The following KLF7 variants were observed in gnomAD, a reference collection of about 807,000 sequenced individuals.
The protein encoded by KLF7 is KLF transcription factor 7.
KLF7 carries 2 observed loss-of-function variants against 27.3 expected under a neutral mutation model. The observed-to-expected ratio is 0.07, with a 90% CI of 0.03 to 0.23. KLF7 has a LOEUF of 0.23. Among genes scored for constraint, KLF7 ranks in the 10% least tolerant of loss-of-function variants. The probability of loss-of-function intolerance (pLI) is 1.00; values close to 1 mark genes in which losing one functional copy is unlikely to be tolerated. For missense variants in KLF7, 221 were observed against 394.1 expected, an observed-to-expected ratio of 0.56 and a Z score of 3.72; for synonymous variants, 165 against 162.4, an observed-to-expected ratio of 1.02 and a Z score of -0.12.
intron 2 of KLF7, among the ~76,000 whole-genome samples, chr2:207,106,514 T>C (rs185309172): frequency 1.3e-5 from 2 of 152,320 alleles, no homozygotes; most frequent in Admixed American, 1.3e-4. Context: ...TGCTATGAGC[T>C]GAGTGGATGG....
At chr2:207,171,324 T>C (rs919034704), upstream of KLF7, among the ~76,000 whole-genome samples, 2 of 152,156 alleles carry the variant, frequency 1.3e-5, no homozygotes, top group African/African-American at 2.4e-5. Context: ...TTTTCTGAGA[T>C]GGAATCTACT....
At chr2:207,149,753 C>T (rs2078191303) in intron 1 of KLF7, among the ~76,000 whole-genome samples, 1 of 152,130 alleles carries the variant, frequency 6.6e-6, no homozygotes. Context: ...ATGTGGTCCT[C>T]GGGTCTGAGT....
chr2:207,099,567 T>TATATATATATATATATATATATAC (rs2076713099), intron 2 of KLF7, among the ~76,000 whole-genome samples: 2 of 132,396 alleles, frequency 1.5e-5, no homozygotes, highest in Non-Finnish European at 3.3e-5. Context: ...TATATATATA[T>TATATATATATATATATATATATAC]ATATATGAAA....
intron 1 of KLF7, among the ~76,000 whole-genome samples, chr2:207,139,297 C>T (rs562449346): frequency 2.4e-4 from 36 of 152,124 alleles, no homozygotes; most frequent in Non-Finnish European, 4.7e-4. Context: ...AAATGCTTAT[C>T]GATACTTATC....
At chr2:207,146,612 C>G (rs903779007) in intron 1 of KLF7, among the ~76,000 whole-genome samples, 5 of 152,064 alleles carry the variant, frequency 3.3e-5, no homozygotes, top group African/African-American at 1.2e-4. Context: ...TCCACTCCCA[C>G]AAGTAAGTAT....
At chr2:207,124,900 C>G (rs2077439490) in intron 1 of KLF7, among the ~76,000 whole-genome samples, 1 of 152,196 alleles carries the variant, frequency 6.6e-6, no homozygotes, top group South Asian at 2.1e-4. Context: ...CATGTTCACT[C>G]AAACTAAGAG....
chr2:207,173,520 C>T, the KLF7 span: 4 of 152,088 alleles, frequency 2.6e-5, no homozygotes, highest in Middle Eastern at 3.4e-3. Flanking sequence ...AAAATGGTCT[C>T]GGTGAATTAA....
At chr2:207,114,723 C>G (rs957865116) in intron 2 of KLF7, among the ~76,000 whole-genome samples, 1 of 152,168 alleles carries the variant, frequency 6.6e-6, no homozygotes, top group Non-Finnish European at 1.5e-5. Flanking sequence ...ATAGCAAGGT[C>G]TCCAGAGAAA....
intron 2 of KLF7, among the ~76,000 whole-genome samples, chr2:207,117,366 T>C (rs545728019): frequency 6.6e-6 from 1 of 152,368 alleles, no homozygotes; most frequent in South Asian, 2.1e-4. Flanking sequence ...TTTCATACCC[T>C]TTCTTTTCAA....
At chr2:207,103,716 T>C (rs1559122974) in intron 2 of KLF7, among the ~76,000 whole-genome samples, 1 of 152,146 alleles carries the variant, frequency 6.6e-6, no homozygotes, top group African/African-American at 2.4e-5. Flanking sequence ...CTCAGGAAAG[T>C]TACCTACTCT....
chr2:207,081,852 C>CA (rs35500565), intron 3 of KLF7, among the ~76,000 whole-genome samples: 4,617 of 107,602 alleles, frequency 0.043, 135 homozygotes, highest in Non-Finnish European at 0.063. Context: ...ATATTCAAGT[C>CA]AAAAAAAAAA....
intron 1 of KLF7, among the ~76,000 whole-genome samples, chr2:207,148,595 A>C (rs1417111838): frequency 6.6e-6 from 1 of 152,202 alleles, no homozygotes; most frequent in Non-Finnish European, 1.5e-5. Context: ...CATTTTGCCC[A>C]TATTTTTTTA....
chr2:207,094,101 A>T (rs2076572378), intron 2 of KLF7, among the ~76,000 whole-genome samples: 1 of 152,260 alleles, frequency 6.6e-6, no homozygotes, highest in African/African-American at 2.4e-5. Context: ...TATTTGAGAC[A>T]GCATAAGTGA....
At chr2:207,103,411 TC>T (rs2076811943) in intron 2 of KLF7, among the ~76,000 whole-genome samples, 1 of 152,192 alleles carries the variant, frequency 6.6e-6, no homozygotes, top group Admixed American at 6.5e-5. Context: ...AGTTTGGGCT[TC>T]TGACAGTTCT....
chr2:207,149,271 G>A (rs1468068093), intron 1 of KLF7: 1 of 693,896 alleles, frequency 1.4e-6, no homozygotes, highest in African/African-American at 1.9e-5. Context: ...CTCTCCAGGA[G>A]GCTCTGCCTT....
In KLF7 at chr2:207,103,359, G is replaced by A. The variant is rs371486575; in HGVS notation, c.734-14778C>T. ...TTGCAGGGACCTGAGCAATACCTCAGGAATGGAAATCCTAGGGATAGGTGA... is the reference window on the plus strand; with the variant it reads ...TTGCAGGGACCTGAGCAATACCTCAAGAATGGAAATCCTAGGGATAGGTGA... On this transcript the variant is annotated intron_variant, in intron 2 of 3. Coordinates refer to ENST00000309446, the MANE Select transcript of KLF7 (RefSeq NM_003709.4). 1.4e-4 allele frequency among the ~76,000 whole-genome samples: 22 copies of A among 152,322 alleles called. No individual in the cohort carries two copies. The East Asian group carries it at 4.2e-3, about 29-fold the overall frequency.
intron 1 of KLF7, among the ~76,000 whole-genome samples, chr2:207,148,388 C>A (rs2078154192): frequency 6.6e-6 from 1 of 152,196 alleles, no homozygotes; most frequent in Non-Finnish European, 1.5e-5. Context: ...TCTACCCAGT[C>A]AGGCACAGCA....
chr2:207,147,505 C>CT (rs926464603), intron 1 of KLF7, among the ~76,000 whole-genome samples: 1 of 152,122 alleles, frequency 6.6e-6, no homozygotes, highest in Non-Finnish European at 1.5e-5. Context: ...TTTATTCCTT[C>CT]TTTTTTTCCC....
At chr2:207,106,957 T>C (rs555091797) in intron 2 of KLF7, among the ~76,000 whole-genome samples, 1 of 152,136 alleles carries the variant, frequency 6.6e-6, no homozygotes, top group South Asian at 2.1e-4. Flanking sequence ...TGGTCACTTA[T>C]AAGCTGGGCA....
Sources: gnomAD v4.1 joint callset for allele counts (sites outside exome capture counted in the v4.1 genomes callset) on GRCh38, gnomAD v4.1.1 for gene constraint, MANE v1.5 for transcripts, NCBI Gene and HGNC (gene_info 2026-07-23, HGNC 2026-07-21) for gene names.